The following KANK1 variants were observed in gnomAD, a reference collection of about 807,000 sequenced individuals.
KANK1 encodes KN motif and ankyrin repeat domain-containing protein 1.
In KANK1, 109 loss-of-function variants were observed where a neutral mutation model predicts 106.2. That is an observed-to-expected ratio of 1.03 (90% CI 0.88 to 1.20). KANK1 has a LOEUF of 1.20. Among genes scored for constraint, KANK1 ranks in the 50% most tolerant of loss-of-function variants. The pLI is 0.00. For synonymous variants in KANK1, 873 were observed against 652.2 expected (o/e 1.34, Z -5.16); for missense variants, 2,399 against 1,710.7 (o/e 1.40, Z -7.10).
chr9:593,907 T>C (rs1449178148), intron 1 of KANK1, among the ~76,000 whole-genome samples: 1 of 151,934 alleles, frequency 6.6e-6, no homozygotes, highest in Non-Finnish European at 1.5e-5. Context: ...TTGTCTCTTA[T>C]TTCTGCTTCC....
chr9:741,423 A>T (rs1031439324), intron 9 of KANK1, among the ~76,000 whole-genome samples: 1 of 146,368 alleles, frequency 6.8e-6, no homozygotes, highest in Non-Finnish European at 1.5e-5. Flanking sequence ...CCCTGGTTGC[A>T]GTGATTCTCC....
At chr9:617,827 T>C (rs1335629983) in intron 1 of KANK1, among the ~76,000 whole-genome samples, 1 of 152,202 alleles carries the variant, frequency 6.6e-6, no homozygotes, top group African/African-American at 2.4e-5. Flanking sequence ...CTCATAGGAG[T>C]AGGCTCCATG....
chr9:626,335 G>T (rs1329028010), intron 1 of KANK1, among the ~76,000 whole-genome samples: 1 of 151,990 alleles, frequency 6.6e-6, no homozygotes, highest in Non-Finnish European at 1.5e-5. Context: ...CATGCCTGTA[G>T]TCCCAGCTAC....
chr9:588,461 G>T (rs1254516774), intron 1 of KANK1, among the ~76,000 whole-genome samples: 1 of 152,046 alleles, frequency 6.6e-6, no homozygotes, highest in Non-Finnish European at 1.5e-5. Context: ...GATGTATTCT[G>T]TTAATTTACT....
intron 1 of KANK1, among the ~76,000 whole-genome samples, chr9:671,747 A>T (rs183833906): frequency 6.6e-6 from 1 of 152,052 alleles, no homozygotes; most frequent in African/African-American, 2.4e-5. Flanking sequence ...AAAACATATT[A>T]TACCAGCCTG....
Position 662,521 on chromosome 9 carries a change from C to A in KANK1, c.-83-14369C>A, listed in dbSNP as rs1459201407. Among the ~76,000 whole-genome samples the A allele has an allele frequency of 2.2e-5, 3 of 135,658 alleles. No homozygotes were observed. The East Asian group carries it at 6.8e-4, about 31-fold the overall frequency. 89.0% of individuals were successfully genotyped at this position (135,658 alleles called of 152,430 possible). A position where few individuals can be genotyped will look rare whatever the true frequency, so the allele number is the denominator to read the frequency against. ...GGAACAGAGGCCTCAGAAATAACAC[C>A]ACACATCTACAACCATCTGATCTTT... On this transcript the variant is annotated intron_variant, in intron 1 of 11. Coordinates refer to ENST00000382297, the MANE Select transcript of KANK1 (RefSeq NM_015158.5).
chr9:508,773 A>G lies in KANK1; in HGVS notation c.-84+4019A>G, dbSNP rs1001056632. Among the ~76,000 whole-genome samples, 8 of 152,112 alleles carry G rather than the reference A, an allele frequency of 5.3e-5. 1 individual carries two copies. The highest frequency in any genetic ancestry group is 1.9e-4 in the East Asian group (1 of 5,194). On this transcript the variant is annotated intron_variant, in intron 1 of 11. Transcript: ENST00000382297. ...TGTAATATTCAATTGTATGACTACA[A>G]TTTATCAATTTTTAGGTTTGAGGGG...
rs35097931 is a variant in KANK1, at chr9:718,953, C to CTTTTT, written c.2698+5509_2698+5513dup. Among the ~76,000 whole-genome samples the CTTTTT allele has an allele frequency of 9.7e-4, 76 of 78,308 alleles. 3 individuals are homozygous for CTTTTT. Among genetic ancestry groups the CTTTTT allele is most frequent in the Non-Finnish European group, 1.3e-3 (54 of 42,940 alleles). 51.4% of individuals were successfully genotyped at this position (78,308 alleles called of 152,430 possible). On this transcript the variant is annotated intron_variant, in intron 3 of 11. Transcript: ENST00000382297. Reference sequence around the variant, plus strand: ...TAAAGAGTGAATTCATGCTCGAGCCCTTTTTTTTTTTTTTTTTTTTTTTTG... The same window carrying CTTTTT: ...TAAAGAGTGAATTCATGCTCGAGCCCTTTTTTTTTTTTTTTTTTTTTTTTTTTTTG...
intron 1 of KANK1, among the ~76,000 whole-genome samples, chr9:564,121 G>A (rs543606145): frequency 2.0e-5 from 3 of 150,844 alleles, no homozygotes; most frequent in South Asian, 4.2e-4. Context: ...GTGCGGTGGC[G>A]CAATCTCGGC....
chr9:559,214 C>T (rs560603510), intron 1 of KANK1, among the ~76,000 whole-genome samples: 1 of 152,042 alleles, frequency 6.6e-6, no homozygotes, highest in Non-Finnish European at 1.5e-5. Flanking sequence ...TAGATTTATT[C>T]TAAACTAAAA....
intron 3 of KANK1, chr9:487,780 C>T (rs2058317894): frequency 6.6e-6 from 1 of 152,172 alleles, no homozygotes; most frequent in Non-Finnish European, 1.5e-5. Context: ...CTAGGCATGT[C>T]TGCACAGACC....
intron 1 of KANK1, among the ~76,000 whole-genome samples, chr9:578,675 A>T (rs1821239833): frequency 6.6e-6 from 1 of 152,198 alleles, no homozygotes; most frequent in East Asian, 1.9e-4. Flanking sequence ...ATCAAGCATG[A>T]CAATTGAAAA....
intron 1 of KANK1, among the ~76,000 whole-genome samples, chr9:632,119 C>T (rs1008375154): frequency 2.0e-5 from 3 of 152,186 alleles, no homozygotes; most frequent in African/African-American, 4.8e-5. Flanking sequence ...ATTTGACCTT[C>T]AATTTAAGTT....
chr9:670,743 A>ACTC (rs1243097350), intron 1 of KANK1, among the ~76,000 whole-genome samples: 1 of 151,992 alleles, frequency 6.6e-6, no homozygotes, highest in African/African-American at 2.4e-5. Flanking sequence ...CCCTTCAGGC[A>ACTC]CTCCTGATGC....
At chr9:571,876 G>A (rs979714926) in intron 1 of KANK1, among the ~76,000 whole-genome samples, 1 of 152,128 alleles carries the variant, frequency 6.6e-6, no homozygotes, top group African/African-American at 2.4e-5. Flanking sequence ...ATTTGGTAAG[G>A]ACTCTGAGTT....
intron 1 of KANK1, among the ~76,000 whole-genome samples, chr9:519,923 G>C (rs1389362937): frequency 6.6e-6 from 1 of 151,800 alleles, no homozygotes; most frequent in Non-Finnish European, 1.5e-5. Flanking sequence ...CTTTAAAAAT[G>C]AAGTGGTTTC....
chr9:703,852 C>A (rs755167037), intron 2 of KANK1, among the ~76,000 whole-genome samples: 5 of 152,078 alleles, frequency 3.3e-5, no homozygotes, highest in African/African-American at 7.2e-5. Flanking sequence ...GCTGGGATTA[C>A]AGGTGCACAC....
chr9:522,081 G>A (rs933923929), intron 1 of KANK1, among the ~76,000 whole-genome samples: 8 of 151,580 alleles, frequency 5.3e-5, no homozygotes, highest in Non-Finnish European at 1.2e-4. Flanking sequence ...TTGATTTGTT[G>A]AATAATGTAA....
chr9:682,405 C>G (rs370686483), intron 2 of KANK1, among the ~76,000 whole-genome samples: 1 of 152,176 alleles, frequency 6.6e-6, no homozygotes, highest in African/African-American at 2.4e-5. Flanking sequence ...TCATGCTTTT[C>G]AGGCTAACAA....
Sources: allele counts gnomAD v4.1 joint callset (sites outside exome capture counted in the v4.1 genomes callset), GRCh38; gene constraint gnomAD v4.1.1; transcripts MANE v1.5; gene names NCBI Gene and HGNC (gene_info 2026-07-23, HGNC 2026-07-21).